CLMP: variants seen among roughly 807,000 people sequenced by gnomAD.
CLMP encodes CXADR like cell adhesion molecule.
A neutral mutation model predicts 45.2 loss-of-function variants in CLMP; 27 were observed. That is an observed-to-expected ratio of 0.60 (90% confidence interval 0.44 to 0.82). CLMP has a LOEUF of 0.82. CLMP is among the 40% of genes least tolerant of loss of function. The pLI is 0.00. For synonymous variants in CLMP, 167 were observed against 171.4 expected (o/e 0.97, Z 0.20); for missense variants, 403 against 448.4 (o/e 0.90, Z 0.91).
At chr11:123,121,396 C>T (rs1198336107) in intron 1 of CLMP, among the ~76,000 whole-genome samples, 2 of 152,122 alleles carry the variant, frequency 1.3e-5, no homozygotes, top group African/African-American at 4.8e-5. Context: ...CTCCCAGGTT[C>T]AAGCAATTCT....
At chr11:123,114,171 T>C (rs1565386271) in intron 1 of CLMP, among the ~76,000 whole-genome samples, 1 of 152,132 alleles carries the variant, frequency 6.6e-6, no homozygotes, top group Non-Finnish European at 1.5e-5. Flanking sequence ...ACAGACTTAC[T>C]ATGAAAAAGA....
intron 4 of CLMP, 113 bp downstream of exon 4, chr11:123,083,567 A>G: frequency 9.6e-7 from 1 of 1,037,902 alleles, no homozygotes. Context: ...GCAGTTCAGG[A>G]GGTTCAGCAG....
At chr11:123,177,503 C>T (rs1861714776) in intron 1 of CLMP, among the ~76,000 whole-genome samples, 1 of 152,166 alleles carries the variant, frequency 6.6e-6, no homozygotes, top group East Asian at 1.9e-4. Context: ...CTTGAACTCA[C>T]ATGAGGGGTT....
In CLMP at chr11:123,115,653, T is replaced by G. The variant is rs1226182949; in HGVS notation, c.29-17701A>C. Among the ~76,000 whole-genome samples, 3 of 152,222 alleles carry G rather than the reference T, an allele frequency of 2.0e-5. No individual in the cohort carries two copies. In the East Asian group the frequency reaches 5.8e-4, roughly 29 times the overall value. ...CTCCTGGAGTAAGCAGTAGTGAATA[T>G]AAGGGAACATGGTGGGGCCTTCCAA... On this transcript the variant is annotated intron_variant, in intron 1 of 6. Transcript: ENST00000448775.
intron 1 of CLMP, among the ~76,000 whole-genome samples, chr11:123,117,943 A>G (rs1247031310): frequency 6.6e-6 from 1 of 152,174 alleles, no homozygotes; most frequent in Non-Finnish European, 1.5e-5. Flanking sequence ...AGCACTAAAG[A>G]ATGTGGCGGT....
At chr11:123,128,465 C>T (rs1860933999) in intron 1 of CLMP, among the ~76,000 whole-genome samples, 2 of 151,908 alleles carry the variant, frequency 1.3e-5, no homozygotes, top group Non-Finnish European at 2.9e-5. Flanking sequence ...AGTTTGAGAC[C>T]AGCCTGAGCA....
At chr11:123,150,480 A>AAAGGAAGGAAGGAAGGAAGGAAGG (rs71057397) in intron 1 of CLMP, among the ~76,000 whole-genome samples, 4 of 40,988 alleles carry the variant, frequency 9.8e-5, no homozygotes, top group East Asian at 5.9e-4. Context: ...AGAAAGAAAG[A>AAAGGAAGGAAGGAAGGAAGGAAGG]AAGGAAGGAA....
At chr11:123,161,208 G>T (rs747715384) in intron 1 of CLMP, among the ~76,000 whole-genome samples, 7 of 152,200 alleles carry the variant, frequency 4.6e-5, no homozygotes, top group Non-Finnish European at 1.0e-4. Flanking sequence ...AGTGCTTTAA[G>T]ACTTGGTTTC....
chr11:123,142,417 A>G (rs1861173473), intron 1 of CLMP, among the ~76,000 whole-genome samples: 1 of 152,072 alleles, frequency 6.6e-6, no homozygotes, highest in Non-Finnish European at 1.5e-5. Flanking sequence ...TTGAAATGCA[A>G]GTTGTTGAAG....
intron 2 of CLMP, among the ~76,000 whole-genome samples, chr11:123,089,358 C>CAA (rs138381305): frequency 3.4e-5 from 5 of 145,028 alleles, no homozygotes; most frequent in African/African-American, 7.5e-5. Flanking sequence ...GCACTTCAGT[C>CAA]AAAAAAAAAA....
intron 1 of CLMP, among the ~76,000 whole-genome samples, chr11:123,185,162 G>T (rs935296752): frequency 1.3e-5 from 2 of 152,126 alleles, no homozygotes; most frequent in South Asian, 2.1e-4. Context: ...GGGACCAGGG[G>T]ACAAAGCACC....
At chr11:123,125,706 T>C (rs1332567806) in intron 1 of CLMP, among the ~76,000 whole-genome samples, 1 of 150,792 alleles carries the variant, frequency 6.6e-6, no homozygotes, top group Admixed American at 6.6e-5. Context: ...CGGGTTCAAG[T>C]GATTCTCCTG....
At chr11:123,175,722 G>T (rs755847813) in intron 1 of CLMP, among the ~76,000 whole-genome samples, 1 of 152,198 alleles carries the variant, frequency 6.6e-6, no homozygotes, top group Non-Finnish European at 1.5e-5. Flanking sequence ...GACAAAGGCT[G>T]CAAGCTTATG....
chr11:123,147,353 C>T (rs1299300049), intron 1 of CLMP, among the ~76,000 whole-genome samples: 1 of 152,190 alleles, frequency 6.6e-6, no homozygotes, highest in Non-Finnish European at 1.5e-5. Flanking sequence ...CTCTTTTATC[C>T]TGCCTGTGGC....
intron 1 of CLMP, among the ~76,000 whole-genome samples, chr11:123,181,980 C>T (rs564612671): frequency 4.6e-5 from 7 of 152,274 alleles, no homozygotes; most frequent in East Asian, 1.9e-4. Flanking sequence ...GAGAGAAAGT[C>T]GACAAATGTG....
At chr11:123,192,676 G>A (rs942926144) in intron 1 of CLMP, among the ~76,000 whole-genome samples, 2 of 152,156 alleles carry the variant, frequency 1.3e-5, no homozygotes, top group African/African-American at 2.4e-5. Flanking sequence ...CATCAGAGAG[G>A]TGGGTTATTT....
chr11:123,151,718 A>T (rs953615884), intron 1 of CLMP, among the ~76,000 whole-genome samples: 14 of 152,200 alleles, frequency 9.2e-5, no homozygotes, highest in Non-Finnish European at 1.6e-4. Flanking sequence ...TGATCAATTA[A>T]TTCCTGCTGA....
intron 5 of CLMP, among the ~76,000 whole-genome samples, chr11:123,082,763 A>T (rs1865820766): frequency 6.6e-6 from 1 of 150,850 alleles, no homozygotes; most frequent in Admixed American, 6.6e-5. Context: ...GGCGCCCACC[A>T]CACCCAGCTA....
intron 1 of CLMP, among the ~76,000 whole-genome samples, chr11:123,104,043 T>C (rs1196350451): frequency 6.6e-6 from 1 of 151,256 alleles, no homozygotes; most frequent in African/African-American, 2.4e-5. Flanking sequence ...TTGGCCAAGC[T>C]GGTTTCAAAC....
Sources: allele counts gnomAD v4.1 joint callset (sites outside exome capture counted in the v4.1 genomes callset), GRCh38; gene constraint gnomAD v4.1.1; transcripts MANE v1.5; gene names NCBI Gene and HGNC (gene_info 2026-07-23, HGNC 2026-07-21).